Variants in AGMO observed in about 807,000 individuals in gnomAD.
The protein encoded by AGMO is glyceryl-ether monooxygenase.
In AGMO, 75 loss-of-function variants were observed where a neutral mutation model predicts 60.2. That is an observed-to-expected ratio of 1.25 (90% CI 1.03 to 1.51). AGMO has a LOEUF of 1.51. AGMO is among the 40% of genes most tolerant of loss of function. The pLI, the probability that AGMO is intolerant of heterozygous loss-of-function variation, is 0.00. For synonymous variants in AGMO, 261 were observed against 177.1 expected, an observed-to-expected ratio of 1.47 and a Z score of -3.76; for missense variants, 763 against 525.5, an observed-to-expected ratio of 1.45 and a Z score of -4.42.
intron 5 of AGMO, among the ~76,000 whole-genome samples, chr7:15,412,566 G>A (rs928566081): frequency 6.6e-6 from 1 of 151,138 alleles, no homozygotes; most frequent in South Asian, 2.1e-4. Context: ...AGGTTGAAAA[G>A]TTGTAAAATT....
chr7:15,321,544 G>C (rs1312753903), intron 12 of AGMO, among the ~76,000 whole-genome samples: 1 of 151,928 alleles, frequency 6.6e-6, no homozygotes, highest in Non-Finnish European at 1.5e-5. Flanking sequence ...AGAAGGAAAT[G>C]GTAAGATAAA....
intron 3 of AGMO, among the ~76,000 whole-genome samples, chr7:15,512,456 T>C (rs530893095): frequency 6.6e-6 from 1 of 152,138 alleles, no homozygotes; most frequent in Non-Finnish European, 1.5e-5. Flanking sequence ...TTTCATCCTG[T>C]TGCCCAGGCT....
At chr7:15,459,915 G>A (rs995397065) in intron 3 of AGMO, among the ~76,000 whole-genome samples, 8 of 151,932 alleles carry the variant, frequency 5.3e-5, no homozygotes, top group African/African-American at 1.9e-4. Context: ...TCATTTGACT[G>A]TATTGAGATT....
intron 12 of AGMO, among the ~76,000 whole-genome samples, chr7:15,284,346 G>C (rs1784045939): frequency 6.6e-6 from 1 of 151,920 alleles, no homozygotes; most frequent in Non-Finnish European, 1.5e-5. Context: ...GATTAATCAA[G>C]AAGAGAGAGG....
intron 12 of AGMO, among the ~76,000 whole-genome samples, chr7:15,330,075 A>G (rs1239655542): frequency 1.3e-5 from 2 of 151,774 alleles, no homozygotes; most frequent in South Asian, 4.2e-4. Flanking sequence ...TTTTCTTTCT[A>G]TCTCTATTGA....
At chr7:15,333,038 T>C (rs1415437439) in intron 12 of AGMO, among the ~76,000 whole-genome samples, 1 of 152,170 alleles carries the variant, frequency 6.6e-6, no homozygotes, top group Non-Finnish European at 1.5e-5. Flanking sequence ...GAAAAGCATA[T>C]AGTCCAAGCT....
At chr7:15,477,258 T>C (rs887770924) in intron 3 of AGMO, among the ~76,000 whole-genome samples, 2 of 152,044 alleles carry the variant, frequency 1.3e-5, no homozygotes, top group East Asian at 3.9e-4. Context: ...TATAGAAAGA[T>C]ATACATAAGG....
At chr7:15,163,531 G>T in the AGMO span, among the ~76,000 whole-genome samples, 1 of 151,986 alleles carries the variant, frequency 6.6e-6, no homozygotes, top group Non-Finnish European at 1.5e-5. Context: ...TATCCTAAAG[G>T]GATGTTAGAT....
At chr7:15,248,031 G>T (rs1202597156) in intron 12 of AGMO, among the ~76,000 whole-genome samples, 2 of 150,830 alleles carry the variant, frequency 1.3e-5, no homozygotes, top group Non-Finnish European at 1.5e-5. Context: ...AGTCAAGCAA[G>T]CAGAATAACA....
At chr7:15,356,721 ATC>A (rs1453032155) in intron 12 of AGMO, among the ~76,000 whole-genome samples, 13 of 151,844 alleles carry the variant, frequency 8.6e-5, no homozygotes, top group Admixed American at 3.3e-4. Context: ...CTAATTTAAT[ATC>A]TCTCAAATGC....
chr7:15,557,970 C>A (rs974020974), intron 2 of AGMO, among the ~76,000 whole-genome samples: 1 of 143,358 alleles, frequency 7.0e-6, no homozygotes, highest in African/African-American at 2.6e-5. Flanking sequence ...CCCTGAAGGA[C>A]TGGTTTGTTT....
intron 3 of AGMO, among the ~76,000 whole-genome samples, chr7:15,485,715 T>G (rs997061974): frequency 2.6e-5 from 4 of 152,056 alleles, no homozygotes; most frequent in Non-Finnish European, 5.9e-5. Context: ...CTTCACACTC[T>G]TAGCACGGTG....
At chr7:15,489,935 T>G (rs1194473214) in intron 3 of AGMO, among the ~76,000 whole-genome samples, 2 of 152,324 alleles carry the variant, frequency 1.3e-5, no homozygotes, top group East Asian at 3.9e-4. Flanking sequence ...ATTAAAATAT[T>G]ACAAATTACT....
At chr7:15,509,378 A>AT (rs1171779617) in intron 3 of AGMO, among the ~76,000 whole-genome samples, 14 of 151,714 alleles carry the variant, frequency 9.2e-5, no homozygotes, top group East Asian at 1.9e-4. Flanking sequence ...ATGCAAAAAA[A>AT]AAAATAAAAA....
intron 3 of AGMO, among the ~76,000 whole-genome samples, chr7:15,534,009 T>C (rs969935382): frequency 1.3e-5 from 2 of 152,080 alleles, no homozygotes; most frequent in South Asian, 2.1e-4. Context: ...ATACTATACA[T>C]ACTTTAGGAC....
intron 3 of AGMO, among the ~76,000 whole-genome samples, chr7:15,533,443 T>A (rs1178964801): frequency 1.3e-5 from 2 of 152,166 alleles, no homozygotes; most frequent in Admixed American, 6.6e-5. Context: ...GTAAAATTTT[T>A]AAATTTGTTT....
chr7:15,368,255 G>A (rs973406497), intron 10 of AGMO, among the ~76,000 whole-genome samples: 2 of 147,006 alleles, frequency 1.4e-5, no homozygotes, highest in African/African-American at 2.6e-5. Context: ...GAAGGTCGGC[G>A]ATGTCCACTT....
chr7:15,432,837 T>C (rs1296081412), intron 3 of AGMO, among the ~76,000 whole-genome samples: 5 of 151,986 alleles, frequency 3.3e-5, no homozygotes, highest in African/African-American at 1.2e-4. Context: ...ATCTGGTTTA[T>C]TGATAAGCCT....
At chr7:15,147,837 T>TA in the AGMO span, among the ~76,000 whole-genome samples, 11 of 152,014 alleles carry the variant, frequency 7.2e-5, no homozygotes, top group African/African-American at 1.9e-4. Flanking sequence ...ATTGTAATGG[T>TA]AAAAAAAATA....
Sources: allele counts gnomAD v4.1 joint callset (sites outside exome capture counted in the v4.1 genomes callset), GRCh38; gene constraint gnomAD v4.1.1; transcripts MANE v1.5; gene names NCBI Gene and HGNC (gene_info 2026-07-23, HGNC 2026-07-21).